DYNC1I1: variants seen among roughly 807,000 people sequenced by gnomAD.
DYNC1I1 encodes cytoplasmic dynein 1 intermediate chain 1.
In DYNC1I1, 43 loss-of-function variants were observed where a neutral mutation model predicts 86.6. The observed-to-expected ratio is 0.50, with a 90% CI of 0.39 to 0.64. DYNC1I1 has a LOEUF of 0.64. Ranked by LOEUF, DYNC1I1 falls within the 30% of genes least tolerant of loss-of-function variation. The pLI is 0.00. For synonymous variants in DYNC1I1, 262 were observed against 283.7 expected, an observed-to-expected ratio of 0.92 and a Z score of 0.77; for missense variants, 604 against 788.8, an observed-to-expected ratio of 0.77 and a Z score of 2.81.
At chr7:95,970,792 C>CA in intron 6 of DYNC1I1, among the ~76,000 whole-genome samples, 1 of 152,172 alleles carries the variant, frequency 6.6e-6, no homozygotes, top group Non-Finnish European at 1.5e-5. Flanking sequence ...GAGATAGATG[C>CA]AAAAAACTAA....
intron 6 of DYNC1I1, among the ~76,000 whole-genome samples, chr7:95,907,830 T>G (rs1271309579): frequency 1.3e-5 from 2 of 152,018 alleles, no homozygotes; most frequent in African/African-American, 2.4e-5. Flanking sequence ...CAATAAATAT[T>G]GTTTAACAGA....
intron 6 of DYNC1I1, among the ~76,000 whole-genome samples, chr7:95,918,424 AG>A (rs767087899): frequency 3.3e-5 from 5 of 152,154 alleles, no homozygotes; most frequent in Non-Finnish European, 5.9e-5. Context: ...TTGCTAACCA[AG>A]GAAGAAGGGC....
chr7:95,794,005 C>G (rs1794374926), intron 1 of DYNC1I1, among the ~76,000 whole-genome samples: 1 of 152,174 alleles, frequency 6.6e-6, no homozygotes, highest in African/African-American at 2.4e-5. Context: ...GCATAATTTC[C>G]TGTTATATAA....
At chr7:95,831,638 G>A (rs78616828) in intron 5 of DYNC1I1, among the ~76,000 whole-genome samples, 4,569 of 150,846 alleles carry the variant, frequency 0.03, 185 homozygotes, top group Admixed American at 0.1. Flanking sequence ...AGTGTACTAG[G>A]TTGTTTCCTC....
chr7:95,802,432 A>T (rs1794601867), intron 1 of DYNC1I1, among the ~76,000 whole-genome samples: 1 of 152,170 alleles, frequency 6.6e-6, no homozygotes, highest in African/African-American at 2.4e-5. Flanking sequence ...AGTTGGCATT[A>T]GTTTCCCAGC....
At position 95,993,142 on chromosome 7, in the gene DYNC1I1, A is replaced by G. The variant is rs1793772400; in HGVS notation, c.844-2806A>G. 2.0e-5 allele frequency among the ~76,000 whole-genome samples: 3 copies of G among 152,188 alleles called. No individual in the cohort carries two copies. In the South Asian group the frequency reaches 6.2e-4, roughly 32 times the overall value. ...TTTTTTATTGGAAAAAGAAAATATG[A>G]CTAGTCATGTTCAAACAAACAGTGG... is the stretch of plus-strand genomic sequence containing the variant. On this transcript the variant is annotated intron_variant, in intron 9 of 16. Transcript: ENST00000447467.
At chr7:95,870,413 T>G (rs919515695) in intron 6 of DYNC1I1, among the ~76,000 whole-genome samples, 2 of 152,276 alleles carry the variant, frequency 1.3e-5, no homozygotes, top group Non-Finnish European at 1.5e-5. Flanking sequence ...AAATAAGGTG[T>G]TGTTGGAATA....
intron 14 of DYNC1I1, among the ~76,000 whole-genome samples, chr7:96,041,455 C>T (rs565838007): frequency 6.6e-6 from 1 of 152,294 alleles, no homozygotes; most frequent in East Asian, 1.9e-4. Flanking sequence ...ACAATTTCCA[C>T]TTCTAGGAAT....
At chr7:95,837,040 C>T (rs4729212) in intron 5 of DYNC1I1, among the ~76,000 whole-genome samples, 56,006 of 145,646 alleles carry the variant, frequency 0.38, 9,570 homozygotes, top group East Asian at 0.54. Context: ...GGAGGAGAGG[C>T]GCTCTGCTTT....
chr7:95,965,585 TA>T, intron 6 of DYNC1I1, among the ~76,000 whole-genome samples: 1 of 152,156 alleles, frequency 6.6e-6, no homozygotes, highest in East Asian at 1.9e-4. Context: ...GTTAAGTAAA[TA>T]ACCCATGATT....
rs1477131191 is a variant in DYNC1I1 at position 95,844,816 on chromosome 7, A to G, written c.374+16700A>G. 1.3e-5 allele frequency among the ~76,000 whole-genome samples: 2 copies of G among 152,136 alleles called. 1 individual carries two copies. The highest frequency in any genetic ancestry group is 2.9e-5 in the Non-Finnish European group (2 of 68,022). ...CCAATCTTAGATTGTACAGTAGTGA[A>G]TTGGGGAAGCTGCAAATCTTGTGAC... On this transcript the variant is annotated intron_variant, in intron 5 of 16. Coordinates refer to ENST00000447467, the MANE Select transcript of DYNC1I1 (RefSeq NM_001135556.2).
At chr7:95,964,425 A>G (rs1194071301) in intron 6 of DYNC1I1, among the ~76,000 whole-genome samples, 1 of 152,112 alleles carries the variant, frequency 6.6e-6, no homozygotes, top group Non-Finnish European at 1.5e-5. Context: ...TGGCCTATAG[A>G]ATTGATGAGA....
intron 6 of DYNC1I1, among the ~76,000 whole-genome samples, chr7:95,956,035 A>G (rs1275329399): frequency 2.6e-5 from 4 of 152,170 alleles, no homozygotes; most frequent in Non-Finnish European, 5.9e-5. Context: ...GCAGAGTACT[A>G]CAGTATTTGA....
At chr7:95,961,122 G>A (rs962453580) in intron 6 of DYNC1I1, among the ~76,000 whole-genome samples, 12 of 152,328 alleles carry the variant, frequency 7.9e-5, no homozygotes, top group African/African-American at 2.9e-4. Flanking sequence ...CTGAGAGTGT[G>A]TCAGGTAATC....
intron 4 of DYNC1I1, among the ~76,000 whole-genome samples, chr7:95,823,135 A>G (rs984695323): frequency 8.5e-5 from 13 of 152,126 alleles, no homozygotes; most frequent in African/African-American, 3.1e-4. Flanking sequence ...GTTGGCATCT[A>G]AAATATAGCA....
chr7:95,917,267 G>T (rs1005935510), intron 6 of DYNC1I1, among the ~76,000 whole-genome samples: 2 of 152,090 alleles, frequency 1.3e-5, no homozygotes, highest in East Asian at 3.9e-4. Context: ...CGGGTGGGAG[G>T]GGCATGATTT....
At chr7:95,987,211 A>G (rs1793618795) in intron 9 of DYNC1I1, 56 bp downstream of exon 9, 2 of 1,461,480 alleles carry the variant, frequency 1.4e-6, no homozygotes, top group Non-Finnish European at 1.9e-6. Flanking sequence ...TGGCATTTGT[A>G]TAAAAAAATA....
intron 14 of DYNC1I1, among the ~76,000 whole-genome samples, chr7:96,053,990 A>G (rs975731915): frequency 1.3e-5 from 2 of 152,080 alleles, no homozygotes; most frequent in Non-Finnish European, 1.5e-5. Flanking sequence ...TTCTTTTTTT[A>G]TTATACTTCT....
intron 16 of DYNC1I1, among the ~76,000 whole-genome samples, chr7:96,085,401 G>C (rs1487966329): frequency 1.3e-5 from 2 of 151,478 alleles, no homozygotes; most frequent in East Asian, 3.9e-4. Context: ...AAATGACAAA[G>C]ACATGAGTAA....
Sources: gnomAD v4.1 joint callset for allele counts (sites outside exome capture counted in the v4.1 genomes callset) on GRCh38, gnomAD v4.1.1 for gene constraint, MANE v1.5 for transcripts, NCBI Gene and HGNC (gene_info 2026-07-23, HGNC 2026-07-21) for gene names.